The following XYLT1 variants were observed in gnomAD, a reference collection of about 807,000 sequenced individuals.
XYLT1 encodes xylosyltransferase 1, also known as beta-D-xylosyltransferase 1.
A neutral mutation model predicts 91.3 loss-of-function variants in XYLT1; 36 were observed. The ratio of observed to expected loss-of-function variants is 0.39; its 90% CI spans 0.30 to 0.52. The LOEUF (loss-of-function observed/expected upper bound fraction) is 0.52. Ranked by LOEUF, XYLT1 falls within the 20% of genes least tolerant of loss-of-function variation. The pLI, the probability that XYLT1 is intolerant of heterozygous loss-of-function variation, is 0.68. For synonymous variants in XYLT1, 588 were observed against 532.0 expected (o/e 1.11, Z -1.45); for missense variants, 1,242 against 1,284.5 (o/e 0.97, Z 0.51).
chr16:17,158,720 C>G, intron 6 of XYLT1, 109 bp downstream of exon 6: 1 of 1,203,968 alleles, frequency 8.3e-7, no homozygotes, highest in Non-Finnish European at 1.2e-6. Context: ...AAGCCTTTCT[C>G]CCACCCTCAA....
Position 17,314,546 on chromosome 16 carries a change from C to T in XYLT1, c.402+43466G>A, listed in dbSNP as rs543473467. The stretch of plus-strand genomic sequence containing the variant: ...TCCATCCATCTGCTATCCAAGAGAA[C>T]GCATACTGGGTGAAAATGTATGCAC... On this transcript the variant is annotated intron_variant, in intron 2 of 11. Transcript: ENST00000261381. Among the ~76,000 whole-genome samples the T allele has an allele frequency of 5.9e-5, 9 of 152,262 alleles. No individual in the cohort carries two copies. In the East Asian group the frequency reaches 9.7e-4, roughly 16 times the overall value.
At chr16:17,302,457 C>T (rs2034410255) in intron 2 of XYLT1, among the ~76,000 whole-genome samples, 1 of 152,150 alleles carries the variant, frequency 6.6e-6, no homozygotes, top group Non-Finnish European at 1.5e-5. Flanking sequence ...AAATTTCCAT[C>T]TGAACTGAGC....
chr16:17,468,677 AG>A (rs748287026), intron 1 of XYLT1, among the ~76,000 whole-genome samples: 19 of 152,104 alleles, frequency 1.2e-4, no homozygotes, highest in Non-Finnish European at 2.4e-4. Flanking sequence ...GAAATCAGCT[AG>A]CCCTGCCTCC....
intron 1 of XYLT1, among the ~76,000 whole-genome samples, chr16:17,468,760 C>A (rs926025552): frequency 1.3e-5 from 2 of 152,096 alleles, no homozygotes; most frequent in African/African-American, 2.4e-5. Context: ...ACTCTGACCC[C>A]CAGATGCAAA....
Position 17,210,148 on chromosome 16 carries a change from C to T in XYLT1, c.914-9494G>A, listed in dbSNP as rs116915212. Reference sequence around the variant, plus strand: ...AGCTCAAATGATCCTCCCTCTTCAGCCTCCAGAGTAGCTGGGACCAGAGGC... The same window carrying T: ...AGCTCAAATGATCCTCCCTCTTCAGTCTCCAGAGTAGCTGGGACCAGAGGC... On this transcript the variant is annotated intron_variant, in intron 3 of 11. Coordinates refer to ENST00000261381, the MANE Select transcript of XYLT1 (RefSeq NM_022166.4). 9.1e-3 allele frequency among the ~76,000 whole-genome samples: 1,393 copies of T among 152,270 alleles called. 10 individuals are homozygous for T. Among genetic ancestry groups the T allele is most frequent in the Non-Finnish European group, 0.016 (1,063 of 68,010 alleles).
chr16:17,154,986 A>G (rs1416503755), intron 6 of XYLT1, among the ~76,000 whole-genome samples: 1 of 152,234 alleles, frequency 6.6e-6, no homozygotes, highest in African/African-American at 2.4e-5. Context: ...GTCTGGACAC[A>G]TGAAATACCA....
intron 5 of XYLT1, among the ~76,000 whole-genome samples, chr16:17,164,066 A>AAAAAAAAAAAAAAAAC (rs2031621679): frequency 1.4e-5 from 2 of 147,426 alleles, no homozygotes; most frequent in Admixed American, 6.7e-5. Flanking sequence ...AAAAAAAAAA[A>AAAAAAAAAAAAAAAAC]AAAGAAAGAC....
At position 17,108,990 on chromosome 16, in the gene XYLT1, G is replaced by A. The variant is rs757379467; in HGVS notation, c.2585C>T (p.Pro862Leu). 1 of 1,540,418 alleles carries A rather than the reference G, an allele frequency of 6.5e-7. No homozygotes were observed. Among genetic ancestry groups the A allele is most frequent in the Non-Finnish European group, 8.8e-7 (1 of 1,136,874 alleles). ...CTGCTCCATGTAGGCATTGCGGAGG[G>A]GCCCATTGTGCAGCTTCAGTGCCTC... is the stretch of plus-strand genomic sequence containing the variant. ...PEEALKLHNG[P>L]LRNAYMEQSF... is the part of the protein sequence containing the mutation. The change falls in exon 12 of 12, where the codon CCC (proline) becomes CTC (leucine). Residue 862 changes from proline to leucine, a missense_variant. Transcript: ENST00000261381.
chr16:17,227,848 G>A (rs1007027655), intron 3 of XYLT1: 1 of 152,310 alleles, frequency 6.6e-6, no homozygotes, highest in African/African-American at 2.4e-5. Context: ...ACAGATACAA[G>A]GTATTTAGGA....
At position 17,243,948 on chromosome 16, in the gene XYLT1, C is replaced by G. The variant is rs563668990; in HGVS notation, c.913+15040G>C. On this transcript the variant is annotated intron_variant, in intron 3 of 11. Coordinates refer to ENST00000261381, the MANE Select transcript of XYLT1 (RefSeq NM_022166.4). The stretch of plus-strand genomic sequence containing the variant: ...GCCACGGCACCATGGACATTTTGGA[C>G]TGGAAAATCATTGTGGGGATGTCCT... Among the ~76,000 whole-genome samples, 15 of 152,258 alleles carry G rather than the reference C, an allele frequency of 9.9e-5. 1 individual carries two copies. In the East Asian group the frequency reaches 2.3e-3, roughly 24 times the overall value.
chr16:17,461,811 A>G lies in XYLT1; in HGVS notation c.363+8623T>C, dbSNP rs531079423. Among the ~76,000 whole-genome samples the G allele has an allele frequency of 3.3e-5, 5 of 152,336 alleles. 1 individual carries two copies. In the South Asian group the frequency reaches 1.0e-3, roughly 32 times the overall value. ...CCCAACTTCAATTTCTAGTTTGGAC[A>G]CTTCACATCTGCTTAATTTTCATCC... On this transcript the variant is annotated intron_variant, in intron 1 of 11. Coordinates refer to ENST00000261381, the MANE Select transcript of XYLT1 (RefSeq NM_022166.4).
intron 1 of XYLT1, among the ~76,000 whole-genome samples, chr16:17,464,524 G>T (rs1035133938): frequency 6.8e-6 from 1 of 146,290 alleles, no homozygotes; most frequent in Non-Finnish European, 1.5e-5. Context: ...TAGAAGAGAA[G>T]AATTTCAGTG....
chr16:17,134,022 G>A (rs2030606472), intron 9 of XYLT1, among the ~76,000 whole-genome samples: 1 of 152,212 alleles, frequency 6.6e-6, no homozygotes, highest in Non-Finnish European at 1.5e-5. Flanking sequence ...GAGGCGGAAG[G>A]TGGGTGAAGA....
intron 1 of XYLT1, among the ~76,000 whole-genome samples, chr16:17,453,842 A>T (rs984982088): frequency 6.6e-6 from 1 of 152,202 alleles, no homozygotes; most frequent in African/African-American, 2.4e-5. Flanking sequence ...TAAAGATAAG[A>T]GCGCTGTGGA....
chr16:17,230,893 C>T (rs1041309188), intron 3 of XYLT1, among the ~76,000 whole-genome samples: 9 of 152,124 alleles, frequency 5.9e-5, no homozygotes, highest in Non-Finnish European at 8.8e-5. Flanking sequence ...CCTGTACTAC[C>T]GGCACCTAGT....
intron 3 of XYLT1, among the ~76,000 whole-genome samples, chr16:17,256,655 A>C (rs1190287626): frequency 6.6e-6 from 1 of 151,780 alleles, no homozygotes; most frequent in East Asian, 1.9e-4. Context: ...TCTCGAAAAA[A>C]AAAACAAAAA....
chr16:17,121,924 G>A (rs2030069220), intron 10 of XYLT1, among the ~76,000 whole-genome samples: 1 of 151,912 alleles, frequency 6.6e-6, no homozygotes, highest in South Asian at 2.1e-4. Context: ...AAATACCATT[G>A]TTTCGTTCCT....
At chr16:17,329,159 G>A (rs940024373) in intron 2 of XYLT1, among the ~76,000 whole-genome samples, 9 of 152,174 alleles carry the variant, frequency 5.9e-5, no homozygotes, top group South Asian at 4.1e-4. Flanking sequence ...ACAAATGGGC[G>A]AGGCTGTGTT....
At chr16:17,109,054 G>A (rs1336061998) in intron 11 of XYLT1, 37 bp from the exon 12 acceptor site, 2 of 1,485,316 alleles carry the variant, frequency 1.3e-6, no homozygotes, top group Non-Finnish European at 8.9e-7. Flanking sequence ...GATCAGAAGA[G>A]CCACCAATAG....
Sources: allele counts gnomAD v4.1 joint callset (sites outside exome capture counted in the v4.1 genomes callset), GRCh38; gene constraint gnomAD v4.1.1; transcripts MANE v1.5; gene names NCBI Gene and HGNC (gene_info 2026-07-23, HGNC 2026-07-21).